The following MGAT4A variants were observed in gnomAD, a reference collection of about 807,000 sequenced individuals.
MGAT4A encodes alpha-1,3-mannosyl-glycoprotein 4-beta-N-acetylglucosaminyltransferase A.
In MGAT4A, 33 loss-of-function variants were observed where a neutral mutation model predicts 74.1. The observed-to-expected ratio is 0.45, with a 90% confidence interval of 0.34 to 0.60. MGAT4A has a LOEUF of 0.60. Ranked by LOEUF, MGAT4A falls within the 20% of genes least tolerant of loss-of-function variation. The pLI is 0.02. For synonymous variants in MGAT4A, 198 were observed against 210.4 expected, an observed-to-expected ratio of 0.94 and a Z score of 0.51; for missense variants, 479 against 628.3, an observed-to-expected ratio of 0.76 and a Z score of 2.54.
At chr2:98,711,803 A>G (rs1702522228) in intron 2 of MGAT4A, among the ~76,000 whole-genome samples, 1 of 152,108 alleles carries the variant, frequency 6.6e-6, no homozygotes, top group Non-Finnish European at 1.5e-5. Context: ...ACACTCGGCT[A>G]ATTTTTACAT....
intron 2 of MGAT4A, among the ~76,000 whole-genome samples, chr2:98,691,217 G>A (rs1702190760): frequency 6.6e-6 from 1 of 152,146 alleles, no homozygotes; most frequent in South Asian, 2.1e-4. Flanking sequence ...ACTTTGGAAG[G>A]TTGAGGCAAG....
intron 2 of MGAT4A, among the ~76,000 whole-genome samples, chr2:98,689,730 G>C (rs1170366876): frequency 6.6e-6 from 1 of 152,170 alleles, no homozygotes; most frequent in Non-Finnish European, 1.5e-5. Context: ...GGCTGAGGTG[G>C]GAGGATGGCT....
chr2:98,705,214 G>A (rs996834524), intron 2 of MGAT4A, among the ~76,000 whole-genome samples: 2 of 152,144 alleles, frequency 1.3e-5, no homozygotes, highest in Admixed American at 6.5e-5. Context: ...TTTTAAGCAC[G>A]GATTGCAATG....
intron 10 of MGAT4A, 22 bp downstream of exon 10, chr2:98,643,901 C>T (rs376305745): frequency 6.7e-7 from 1 of 1,488,508 alleles, no homozygotes; most frequent in Admixed American, 2.0e-5. Context: ...ACTCCCTCCA[C>T]TCTGGTGAGG....
At chr2:98,729,790 A>G (rs1248434132) in intron 1 of MGAT4A, among the ~76,000 whole-genome samples, 1 of 152,252 alleles carries the variant, frequency 6.6e-6, no homozygotes, top group Non-Finnish European at 1.5e-5. Context: ...CAGACAGGGT[A>G]GAGGTGACTT....
intron 2 of MGAT4A, chr2:98,726,002 T>C (rs1425848090): frequency 4.3e-6 from 2 of 470,570 alleles, no homozygotes; most frequent in Non-Finnish European, 3.8e-6. Flanking sequence ...CACTGATCAG[T>C]ATCTGTTTCT....
At chr2:98,681,409 A>T (rs1702057968) in intron 2 of MGAT4A, among the ~76,000 whole-genome samples, 1 of 152,198 alleles carries the variant, frequency 6.6e-6, no homozygotes, top group Non-Finnish European at 1.5e-5. Context: ...ACTTGCTCTG[A>T]GATCAGAATA....
chr2:98,720,856 GGAGA>G (rs1284577984), intron 2 of MGAT4A, among the ~76,000 whole-genome samples: 2 of 152,092 alleles, frequency 1.3e-5, no homozygotes, highest in African/African-American at 4.8e-5. Context: ...CAGAAGGAAA[GGAGA>G]GAGAAAGGAG....
intron 10 of MGAT4A, 42 bp downstream of exon 10, chr2:98,643,881 C>T: frequency 7.0e-7 from 1 of 1,426,428 alleles, no homozygotes; most frequent in Non-Finnish European, 9.3e-7. Context: ...TCACGAAATA[C>T]AGAAGTGAAA....
chr2:98,623,665 T>C lies in MGAT4A; in HGVS notation c.*1901A>G. On this transcript the variant is annotated 3_prime_UTR_variant, in exon 16 of 16. Transcript: ENST00000393487. ...CCTTTAACTGACATAAAAATCATTTTTGGCAATGTGATTGACTTTTCAATC... is the reference window on the plus strand; with the variant it reads ...CCTTTAACTGACATAAAAATCATTTCTGGCAATGTGATTGACTTTTCAATC... The C allele has an allele frequency of 1.0e-6, 1 of 985,408 alleles. No homozygotes were observed. Among genetic ancestry groups the C allele is most frequent in the Non-Finnish European group, 1.2e-6 (1 of 829,896 alleles). 61.0% of individuals were successfully genotyped at this position (985,408 alleles called of 1,614,324 possible). A position where few individuals can be genotyped will look rare whatever the true frequency, so the allele number is the denominator to read the frequency against.
intron 12 of MGAT4A, among the ~76,000 whole-genome samples, chr2:98,639,336 C>CA (rs1196927135): frequency 6.6e-6 from 1 of 151,470 alleles, no homozygotes; most frequent in Non-Finnish European, 1.5e-5. Flanking sequence ...CATAAATGCT[C>CA]AAAAACATAA....
chr2:98,663,128 A>G lies in MGAT4A; in HGVS notation c.455T>C (p.Leu152Pro). Residue 152 changes from leucine to proline, a missense_variant, in exon 5 of 16, where the codon CTC becomes CCC. Around this residue, in one of 3 missense-constraint regions of MGAT4A, gnomAD observed 205 missense variants for 232.7 expected, o/e 0.88. Coordinates refer to ENST00000393487, the MANE Select transcript of MGAT4A (RefSeq NM_012214.3). ...AATAAGGGAATGAAGAGTTTCTATG[A>G]GGTAAGATTTAACTTCTCTCTTCAC... is the stretch of plus-strand genomic sequence containing the variant. Reference protein sequence around the residue: ...PTVKREVKSYLIETLHSLIDN... With the variant: ...PTVKREVKSYPIETLHSLIDN... The G allele has an allele frequency of 6.2e-7, 1 of 1,604,486 alleles. No homozygotes were observed. The highest frequency in any genetic ancestry group is 8.5e-7 in the Non-Finnish European group (1 of 1,173,654).
chr2:98,649,350 G>C (rs1187604021), intron 8 of MGAT4A, among the ~76,000 whole-genome samples: 1 of 152,156 alleles, frequency 6.6e-6, no homozygotes, highest in African/African-American at 2.4e-5. Flanking sequence ...ACGAGACACA[G>C]ATTTAAAATC....
chr2:98,718,562 C>T (rs982753974), intron 2 of MGAT4A, among the ~76,000 whole-genome samples: 2 of 152,182 alleles, frequency 1.3e-5, no homozygotes, highest in African/African-American at 4.8e-5. Context: ...GAGGTAGAGA[C>T]CTCACTCCAG....
chr2:98,671,207 A>G (rs1206622381), intron 4 of MGAT4A, among the ~76,000 whole-genome samples: 1 of 152,116 alleles, frequency 6.6e-6, no homozygotes, highest in African/African-American at 2.4e-5. Flanking sequence ...TCCCATCTCT[A>G]CAACTACCAC....
rs1034122997 is a variant in MGAT4A at position 98,660,436 on chromosome 2, A to G, written c.538-2172T>C. Among the ~76,000 whole-genome samples the G allele has an allele frequency of 1.2e-3, 180 of 147,794 alleles. 2 individuals carry two copies. The highest frequency in any genetic ancestry group is 5.3e-3 in the South Asian group (25 of 4,700). On this transcript the variant is annotated intron_variant, in intron 5 of 15. Transcript: ENST00000393487. ...CGCACGCGCACACACACACACACAC[A>G]CACACACACACACACACACACAACA...
At chr2:98,640,313 A>C in intron 10 of MGAT4A, 85 bp from the exon 11 acceptor site, 1 of 1,166,988 alleles carries the variant, frequency 8.6e-7, no homozygotes. Context: ...CCTTTATTAA[A>C]ATATTGAAAA....
At chr2:98,645,629 C>A (rs1035784795) in intron 8 of MGAT4A, 87 bp from the exon 9 acceptor site, 11 of 911,246 alleles carry the variant, frequency 1.2e-5, no homozygotes, top group Non-Finnish European at 1.5e-5. Context: ...TACAAGCATA[C>A]CTTTATCATG....
chr2:98,725,187 G>A (rs1702743571), intron 2 of MGAT4A, among the ~76,000 whole-genome samples: 1 of 152,160 alleles, frequency 6.6e-6, no homozygotes, highest in South Asian at 2.1e-4. Context: ...ACCTTAGCAA[G>A]TTTTTCATTC....
Sources: gnomAD v4.1 joint callset for allele counts (sites outside exome capture counted in the v4.1 genomes callset) on GRCh38, gnomAD v4.1.1 for gene constraint, gnomAD v4.1.1 regional missense constraint, MANE v1.5 for transcripts, NCBI Gene and HGNC (gene_info 2026-07-23, HGNC 2026-07-21) for gene names.